LRBA: variants seen among roughly 807,000 people sequenced by gnomAD.
LRBA encodes lipopolysaccharide-responsive and beige-like anchor protein.
LRBA carries 176 observed loss-of-function variants against 330.0 expected under a neutral mutation model. The observed-to-expected ratio is 0.53, with a 90% CI of 0.47 to 0.60. The LOEUF (loss-of-function observed/expected upper bound fraction) is 0.60, where lower values mean the gene tolerates loss of function less well. LRBA is among the 20% of genes least tolerant of loss of function. The pLI is 0.00. For missense variants in LRBA, 3,259 were observed against 3,444.8 expected, an observed-to-expected ratio of 0.95 and a Z score of 1.35; for synonymous variants, 1,230 against 1,193.0, an observed-to-expected ratio of 1.03 and a Z score of -0.64.
chr4:150,488,061 T>C (rs1441134930), intron 41 of LRBA, among the ~76,000 whole-genome samples: 1 of 151,642 alleles, frequency 6.6e-6, no homozygotes, highest in African/African-American at 2.4e-5. Context: ...TCCTAAATAC[T>C]ATTAGGTGTT....
chr4:150,351,558 G>A (rs1334552494), intron 47 of LRBA, among the ~76,000 whole-genome samples: 5 of 152,094 alleles, frequency 3.3e-5, no homozygotes, highest in South Asian at 2.1e-4. Flanking sequence ...GCGTGGTGGC[G>A]GGCGCCTGTA....
chr4:150,670,442 T>G (rs1175352694), intron 37 of LRBA, among the ~76,000 whole-genome samples: 1 of 152,260 alleles, frequency 6.6e-6, no homozygotes, highest in African/African-American at 2.4e-5. Flanking sequence ...TTTGACATGC[T>G]GCTACCCATT....
chr4:150,459,431 A>C (rs1754485513), intron 44 of LRBA, among the ~76,000 whole-genome samples: 1 of 151,994 alleles, frequency 6.6e-6, no homozygotes, highest in African/African-American at 2.4e-5. Context: ...CCTAAAGTCT[A>C]CCAGTTGACT....
intron 34 of LRBA, among the ~76,000 whole-genome samples, chr4:150,785,152 T>C (rs1362175442): frequency 6.6e-6 from 1 of 152,152 alleles, no homozygotes. Flanking sequence ...TCAGGAGTGC[T>C]GATTGTTTGG....
chr4:150,850,994 A>T (rs1750547165), intron 23 of LRBA, 92 bp from the exon 24 acceptor site: 1 of 840,334 alleles, frequency 1.2e-6, no homozygotes, highest in South Asian at 2.0e-5. Context: ...TATGCAATTC[A>T]TCTAACACGT....
intron 36 of LRBA, among the ~76,000 whole-genome samples, chr4:150,718,853 G>A (rs1415522075): frequency 1.3e-5 from 2 of 151,990 alleles, no homozygotes; most frequent in Non-Finnish European, 2.9e-5. Flanking sequence ...TATTCACACG[G>A]TCTTTAGAAA....
chr4:150,351,525 T>C (rs1737161992), intron 47 of LRBA, among the ~76,000 whole-genome samples: 1 of 151,858 alleles, frequency 6.6e-6, no homozygotes, highest in Non-Finnish European at 1.5e-5. Flanking sequence ...CTGTCTCTAC[T>C]AAAAATACAA....
intron 17 of LRBA, among the ~76,000 whole-genome samples, chr4:150,887,456 G>T (rs1729055109): frequency 6.6e-6 from 1 of 151,996 alleles, no homozygotes; most frequent in Non-Finnish European, 1.5e-5. Flanking sequence ...AGCAAAAATT[G>T]AAAAAATAAG....
At chr4:150,454,919 T>C (rs1753849412) in intron 44 of LRBA, among the ~76,000 whole-genome samples, 1 of 150,450 alleles carries the variant, frequency 6.6e-6, no homozygotes, top group African/African-American at 2.4e-5. Flanking sequence ...TATTAATTTT[T>C]TTGGTGTTCA....
At chr4:150,647,405 TAG>T (rs935430219) in intron 37 of LRBA, among the ~76,000 whole-genome samples, 1 of 123,712 alleles carries the variant, frequency 8.1e-6, no homozygotes, top group Admixed American at 1.1e-4. Context: ...TTGCCTAGAC[TAG>T]AGTGTGCAAG....
chr4:150,407,298 G>A (rs1048110496), intron 47 of LRBA, among the ~76,000 whole-genome samples: 1 of 152,186 alleles, frequency 6.6e-6, no homozygotes, highest in Non-Finnish European at 1.5e-5. Flanking sequence ...AATTTCTGCT[G>A]TTTAAGCCAC....
chr4:150,825,916 T>C (rs1196150611), intron 30 of LRBA, among the ~76,000 whole-genome samples: 1 of 152,064 alleles, frequency 6.6e-6, no homozygotes, highest in Non-Finnish European at 1.5e-5. Flanking sequence ...ATAAGAACTA[T>C]TGTAAAGAAA....
At chr4:150,428,884 C>T (rs1033351564) in intron 46 of LRBA, among the ~76,000 whole-genome samples, 4 of 152,120 alleles carry the variant, frequency 2.6e-5, no homozygotes, top group African/African-American at 7.2e-5. Context: ...ATGTGCCAAA[C>T]GTCTTTTCTG....
chr4:150,447,992 G>A (rs557526588), intron 44 of LRBA, among the ~76,000 whole-genome samples: 78 of 152,284 alleles, frequency 5.1e-4, no homozygotes, highest in African/African-American at 1.8e-3. Context: ...AGGAAGAAAA[G>A]CCTAAGAAGT....
At chr4:150,851,615 T>G (rs964480399) in intron 23 of LRBA, among the ~76,000 whole-genome samples, 1 of 152,246 alleles carries the variant, frequency 6.6e-6, no homozygotes, top group Non-Finnish European at 1.5e-5. Context: ...AATATTTGTT[T>G]TATAAACTAA....
chr4:150,576,596 A>C (rs1770579759), intron 40 of LRBA, among the ~76,000 whole-genome samples: 1 of 151,886 alleles, frequency 6.6e-6, no homozygotes, highest in Admixed American at 6.6e-5. Context: ...TAAAGTACTC[A>C]TTTATGCAGT....
chr4:150,953,979 G>A (rs1159785083), intron 2 of LRBA, among the ~76,000 whole-genome samples: 98 of 139,186 alleles, frequency 7.0e-4, no homozygotes, highest in African/African-American at 2.3e-3. Flanking sequence ...CCGCCACCCC[G>A]TCTGGGAGGT....
intron 9 of LRBA, among the ~76,000 whole-genome samples, chr4:150,909,890 T>G (rs1199448745): frequency 6.6e-6 from 1 of 152,200 alleles, no homozygotes; most frequent in South Asian, 2.1e-4. Flanking sequence ...TAGTTTAAAT[T>G]AGCATTTTTC....
chr4:150,803,548 G>A (rs1011495483), intron 33 of LRBA, among the ~76,000 whole-genome samples: 1 of 152,022 alleles, frequency 6.6e-6, no homozygotes, highest in Admixed American at 6.6e-5. Context: ...GCTAGTCACT[G>A]GCAAGGACAG....
Sources: gnomAD v4.1 joint callset for allele counts (sites outside exome capture counted in the v4.1 genomes callset) on GRCh38, gnomAD v4.1.1 for gene constraint, MANE v1.5 for transcripts, NCBI Gene and HGNC (gene_info 2026-07-23, HGNC 2026-07-21) for gene names.